The following ARHGAP32 variants were observed in gnomAD, a reference collection of about 807,000 sequenced individuals.
ARHGAP32 encodes the protein rho GTPase-activating protein 32.
A neutral mutation model predicts 186.5 loss-of-function variants in ARHGAP32; 51 were observed. The observed-to-expected ratio is 0.27, with a 90% CI of 0.22 to 0.35. ARHGAP32 has a LOEUF of 0.35. Among genes scored for constraint, ARHGAP32 ranks in the 10% least tolerant of loss-of-function variants. The pLI, the probability that ARHGAP32 is intolerant of heterozygous loss-of-function variation, is 1.00. For missense variants in ARHGAP32, 2,186 were observed against 2,623.5 expected, an observed-to-expected ratio of 0.83 and a Z score of 3.64; for synonymous variants, 950 against 964.3, an observed-to-expected ratio of 0.99 and a Z score of 0.27.
chr11:129,270,474 G>A (rs906429378), intron 1 of ARHGAP32, among the ~76,000 whole-genome samples: 2 of 151,760 alleles, frequency 1.3e-5, no homozygotes, highest in Admixed American at 1.3e-4. Context: ...ATCCATAGAA[G>A]GTACAACACC....
intron 11 of ARHGAP32, among the ~76,000 whole-genome samples, chr11:129,034,852 A>C (rs1591551261): frequency 1.0e-4 from 1 of 9,734 alleles, no homozygotes; most frequent in African/African-American, 3.3e-4. Context: ...AAAACAGAGT[A>C]AAAAAAAAAA....
Position 129,238,422 on chromosome 11 carries a change from C to G in ARHGAP32, c.-5+40724G>C, listed in dbSNP as rs1186207551. 7.9e-5 allele frequency among the ~76,000 whole-genome samples: 12 copies of G among 152,096 alleles called. No homozygotes were observed. In the East Asian group the frequency reaches 2.3e-3, roughly 29 times the overall value. On this transcript the variant is annotated intron_variant, in intron 1 of 6. Coordinates refer to the ARHGAP32 transcript ENST00000525234. ...GAGGACATGTAAGTGAAAAATCTAC[C>G]AATGGCCATTTACAATCAGGGATTT...
At chr11:129,093,584 A>G in intron 6 of ARHGAP32, 37 bp downstream of exon 6, 2 of 1,425,668 alleles carry the variant, frequency 1.4e-6, no homozygotes, top group Non-Finnish European at 2.0e-6. Flanking sequence ...CTAATTCTTA[A>G]CTTCATATGA....
chr11:129,104,416 A>G (rs1308316567), intron 5 of ARHGAP32, among the ~76,000 whole-genome samples: 1 of 152,112 alleles, frequency 6.6e-6, no homozygotes, highest in Non-Finnish European at 1.5e-5. Flanking sequence ...TGACAGAATC[A>G]GAGATACCAA....
At chr11:128,989,624 G>A (rs1014372993) in intron 12 of ARHGAP32, among the ~76,000 whole-genome samples, 4 of 150,470 alleles carry the variant, frequency 2.7e-5, no homozygotes, top group South Asian at 2.1e-4. Flanking sequence ...GTTTTGTTAC[G>A]TAAGTATACA....
At chr11:129,086,603 C>T (rs774932159) in intron 6 of ARHGAP32, among the ~76,000 whole-genome samples, 22 of 152,204 alleles carry the variant, frequency 1.4e-4, no homozygotes, top group South Asian at 2.1e-4. Flanking sequence ...GGGCGGATCA[C>T]AAGGTCAGGA....
intron 6 of ARHGAP32, among the ~76,000 whole-genome samples, chr11:129,085,997 A>AAAACAAAC (rs1185381573): frequency 6.7e-6 from 1 of 148,872 alleles, no homozygotes; most frequent in Non-Finnish European, 1.5e-5. Context: ...CCATCTCAAA[A>AAAACAAAC]AAACAAACAA....
At chr11:129,048,703 G>A (rs1226869110) in intron 10 of ARHGAP32, among the ~76,000 whole-genome samples, 1 of 152,118 alleles carries the variant, frequency 6.6e-6, no homozygotes, top group Non-Finnish European at 1.5e-5. Context: ...GAACATAATT[G>A]TTTATTGTAC....
chr11:129,050,269 T>C (rs1939987989), intron 10 of ARHGAP32, among the ~76,000 whole-genome samples: 1 of 152,260 alleles, frequency 6.6e-6, no homozygotes, highest in African/African-American at 2.4e-5. Flanking sequence ...ACTATTGATG[T>C]TGGATATCTA....
At chr11:129,188,027 C>G (rs2135547630) in intron 1 of ARHGAP32, among the ~76,000 whole-genome samples, 1 of 152,248 alleles carries the variant, frequency 6.6e-6, no homozygotes. Context: ...GTAATCTCAG[C>G]TCACTGCAAT....
chr11:129,059,966 G>A (rs1447749678), intron 10 of ARHGAP32, among the ~76,000 whole-genome samples: 4 of 152,128 alleles, frequency 2.6e-5, no homozygotes, highest in Non-Finnish European at 5.9e-5. Flanking sequence ...ATTCCTATAG[G>A]AAAGATTTTT....
intron 1 of ARHGAP32, among the ~76,000 whole-genome samples, chr11:129,178,030 T>G (rs1943959371): frequency 6.6e-6 from 1 of 150,788 alleles, no homozygotes; most frequent in Non-Finnish European, 1.5e-5. Context: ...CATGATTGTA[T>G]ATCTAGAAAA....
intron 1 of ARHGAP32, among the ~76,000 whole-genome samples, chr11:129,187,518 AAG>A (rs1944186633): frequency 1.3e-5 from 2 of 152,202 alleles, no homozygotes; most frequent in Admixed American, 1.3e-4. Flanking sequence ...AAATAATTAA[AAG>A]AGTATAATTG....
intron 1 of ARHGAP32, among the ~76,000 whole-genome samples, chr11:129,266,290 C>T (rs1193728481): frequency 6.6e-6 from 1 of 152,108 alleles, no homozygotes; most frequent in East Asian, 1.9e-4. Flanking sequence ...GGGCACAAAA[C>T]CTACTGTGAC....
At chr11:129,131,639 T>C (rs1170937521) in intron 2 of ARHGAP32, among the ~76,000 whole-genome samples, 2 of 152,120 alleles carry the variant, frequency 1.3e-5, no homozygotes, top group Non-Finnish European at 2.9e-5. Context: ...GGGGAAATCC[T>C]TCCCCATGAT....
upstream of ARHGAP32, among the ~76,000 whole-genome samples, chr11:129,193,063 G>A (rs1944298154): frequency 6.6e-6 from 1 of 151,924 alleles, no homozygotes; most frequent in Admixed American, 6.6e-5. Context: ...GGATATTCAT[G>A]GCTATTTGTC....
chr11:129,119,270 A>G (rs1942459833), intron 5 of ARHGAP32, among the ~76,000 whole-genome samples: 1 of 152,004 alleles, frequency 6.6e-6, no homozygotes, highest in African/African-American at 2.4e-5. Context: ...TACCCATTCT[A>G]CACCACACCA....
Position 129,066,768 on chromosome 11 carries a change from T to C in ARHGAP32, c.632A>G (p.Glu211Gly), listed in dbSNP as rs772230502. 1.2e-6 allele frequency: 2 copies of C among 1,612,508 alleles called. No homozygotes were observed. Among genetic ancestry groups the C allele is most frequent in the South Asian group, 2.2e-5 (2 of 91,020 alleles). The change falls in exon 7 of 23, where the codon GAA becomes GGA. Residue 211 changes from glutamate (E) to glycine (G), a missense_variant. Glu to Gly is a moderately conservative substitution (Grantham distance 98). This residue lies in a region of ARHGAP32 where 308 missense variants were observed against 596.5 expected (regional missense o/e 0.52). Coordinates refer to ENST00000682385, the MANE Select transcript of ARHGAP32 (RefSeq NM_001378024.1). ...IYDRRFSQLS[E>G]LPRSDTLKDS... Reference sequence around the variant, plus strand: ...CTTCAGGGTGTCAGAACGGGGAAGTTCTGAGAGCTGGGAAAATCTTCGGTC... The same window carrying C: ...CTTCAGGGTGTCAGAACGGGGAAGTCCTGAGAGCTGGGAAAATCTTCGGTC...
intron 1 of ARHGAP32, among the ~76,000 whole-genome samples, chr11:129,176,775 G>A (rs1225756470): frequency 5.3e-5 from 8 of 150,194 alleles, no homozygotes; most frequent in South Asian, 2.1e-4. Context: ...TCTCTGGGAC[G>A]CATTCAAAGC....
Sources: gnomAD v4.1 joint callset for allele counts (sites outside exome capture counted in the v4.1 genomes callset) on GRCh38, gnomAD v4.1.1 for gene constraint, gnomAD v4.1.1 regional missense constraint, MANE v1.5 for transcripts, NCBI Gene and HGNC (gene_info 2026-07-23, HGNC 2026-07-21) for gene names.